NPAS2: variants seen among roughly 807,000 people sequenced by gnomAD.
The protein encoded by NPAS2 is neuronal PAS domain-containing protein 2.
In NPAS2, 23 loss-of-function variants were observed where a neutral mutation model predicts 107.5. That is an observed-to-expected ratio of 0.21 (90% CI 0.15 to 0.30). The LOEUF (loss-of-function observed/expected upper bound fraction) is 0.30. NPAS2 is among the 10% of genes least tolerant of loss of function. The probability of loss-of-function intolerance (pLI) is 1.00; values close to 1 mark genes in which losing one functional copy is unlikely to be tolerated. For synonymous variants in NPAS2, 403 were observed against 417.5 expected, an observed-to-expected ratio of 0.97 and a Z score of 0.42; for missense variants, 756 against 1,043.3, an observed-to-expected ratio of 0.72 and a Z score of 3.79.
chr2:100,898,472 T>G (rs1420912643), intron 1 of NPAS2, among the ~76,000 whole-genome samples: 1 of 152,180 alleles, frequency 6.6e-6, no homozygotes, highest in Non-Finnish European at 1.5e-5. Flanking sequence ...CACCCTACAT[T>G]TATGTCAGTA....
At position 100,884,538 on chromosome 2, in the gene NPAS2, G is replaced by T. The variant is rs542951548; in HGVS notation, c.-22-20195G>T. Reference sequence around the variant, plus strand: ...TGCTGTGATGCCATGTGACATACATGCTCTCGCACACACATTATTAAGACT... The same window carrying T: ...TGCTGTGATGCCATGTGACATACATTCTCTCGCACACACATTATTAAGACT... On this transcript the variant is annotated intron_variant, in intron 1 of 20. Transcript: ENST00000335681. Among the ~76,000 whole-genome samples, 6 of 152,240 alleles carry T rather than the reference G, an allele frequency of 3.9e-5. No individual in the cohort carries two copies. In the South Asian group the frequency reaches 1.2e-3, roughly 32 times the overall value.
chr2:100,921,565 C>G (rs1458026956), intron 2 of NPAS2, among the ~76,000 whole-genome samples: 2 of 152,252 alleles, frequency 1.3e-5, no homozygotes, highest in African/African-American at 4.8e-5. Flanking sequence ...CTTTCTTAAA[C>G]TCAATAAGAT....
intron 1 of NPAS2, among the ~76,000 whole-genome samples, chr2:100,839,033 C>A (rs988456533): frequency 2.0e-5 from 3 of 152,112 alleles, no homozygotes; most frequent in African/African-American, 7.2e-5. Flanking sequence ...TCTCTCCCAC[C>A]CCTGAGACAG....
chr2:100,873,297 T>C (rs866862999), intron 1 of NPAS2, among the ~76,000 whole-genome samples: 2 of 42,604 alleles, frequency 4.7e-5, no homozygotes, highest in African/African-American at 1.6e-4. Context: ...TATATATATA[T>C]ATATATATAT....
chr2:100,885,050 G>A (rs1313204642), intron 1 of NPAS2, among the ~76,000 whole-genome samples: 1 of 151,778 alleles, frequency 6.6e-6, no homozygotes, highest in African/African-American at 2.4e-5. Context: ...CTGGGTTCAC[G>A]CCATTCTCCT....
intron 1 of NPAS2, among the ~76,000 whole-genome samples, chr2:100,847,388 G>A (rs1221862549): frequency 7.2e-6 from 1 of 139,572 alleles, no homozygotes; most frequent in Non-Finnish European, 1.6e-5. Flanking sequence ...TTTTTTTTTT[G>A]AGACGGAGTC....
intron 16 of NPAS2, chr2:100,985,577 A>G (rs1677733316): frequency 6.6e-6 from 1 of 152,226 alleles, no homozygotes; most frequent in Non-Finnish European, 1.5e-5. Flanking sequence ...TCATACATGC[A>G]TTTATTCCAT....
chr2:100,995,819 A>G lies in NPAS2; in HGVS notation c.*237A>G, dbSNP rs779124240. 4.5e-6 allele frequency: 7 copies of G among 1,540,992 alleles called. No homozygotes were observed. In the South Asian group the frequency reaches 8.4e-5, roughly 19 times the overall value. ...AGGTTCTTGGGCACACTCTATAGCC[A>G]TACTGGACAGGAACCAGGTGCCCCG... is the stretch of plus-strand genomic sequence containing the variant. On this transcript the variant is annotated 3_prime_UTR_variant, in exon 21 of 21. Coordinates refer to ENST00000335681, the MANE Select transcript of NPAS2 (RefSeq NM_002518.4).
At chr2:100,931,839 T>TCA (rs1321825678) in intron 3 of NPAS2, among the ~76,000 whole-genome samples, 1 of 152,190 alleles carries the variant, frequency 6.6e-6, no homozygotes, top group African/African-American at 2.4e-5. Context: ...TCACTAAGAT[T>TCA]CATTCATTCA....
intron 1 of NPAS2, among the ~76,000 whole-genome samples, chr2:100,850,076 G>A (rs1335140269): frequency 2.1e-5 from 3 of 139,892 alleles, no homozygotes; most frequent in Non-Finnish European, 4.6e-5. Context: ...GAAATTCAGT[G>A]TATAGAATTT....
chr2:100,973,928 G>A (rs1480708269), intron 12 of NPAS2, among the ~76,000 whole-genome samples: 1 of 152,174 alleles, frequency 6.6e-6, no homozygotes, highest in Non-Finnish European at 1.5e-5. Flanking sequence ...TGCAACCTCT[G>A]CCTCCGAAGT....
chr2:100,995,187 A>C, intron 20 of NPAS2: 1 of 474,630 alleles, frequency 2.1e-6, no homozygotes, highest in South Asian at 5.4e-5. Flanking sequence ...ATTGGCGGAG[A>C]ACTTAGCTTC....
chr2:100,913,634 T>C (rs1682690533), intron 2 of NPAS2, among the ~76,000 whole-genome samples: 2 of 152,090 alleles, frequency 1.3e-5, no homozygotes, highest in Non-Finnish European at 1.5e-5. Context: ...TGATAGTTTT[T>C]CCCCCCTCTT....
At chr2:100,845,247 G>A (rs1238271487) in intron 1 of NPAS2, among the ~76,000 whole-genome samples, 1 of 152,234 alleles carries the variant, frequency 6.6e-6, no homozygotes, top group Non-Finnish European at 1.5e-5. Context: ...ATTTGGGGCT[G>A]ATCATTATAG....
chr2:100,878,045 C>T (rs148565187), intron 1 of NPAS2: 3 of 985,242 alleles, frequency 3.0e-6, no homozygotes, highest in Non-Finnish European at 2.4e-6. Context: ...TTGTAGGCCC[C>T]GTGGACCTGC....
chr2:100,839,860 A>G lies in NPAS2; in HGVS notation c.-23+19446A>G, dbSNP rs554028607. On this transcript the variant is annotated intron_variant, in intron 1 of 20. Coordinates refer to ENST00000335681, the MANE Select transcript of NPAS2 (RefSeq NM_002518.4). ...TATTTGTGCTTCACTTTTGAAGTCC[A>G]TCTTCTTCTATAGATACTCTTAGAA... is the stretch of plus-strand genomic sequence containing the variant. Among the ~76,000 whole-genome samples the G allele has an allele frequency of 4.6e-5, 7 of 152,282 alleles. No homozygotes were observed. In the South Asian group the frequency reaches 1.5e-3, roughly 32 times the overall value.
intron 17 of NPAS2, 183 bp from the exon 18 acceptor site, chr2:100,990,073 A>G: frequency 1.5e-6 from 1 of 652,834 alleles, no homozygotes; most frequent in Non-Finnish European, 2.7e-6. Context: ...TCCTAGGCCC[A>G]AGGGATTCAA....
intron 1 of NPAS2, among the ~76,000 whole-genome samples, chr2:100,884,264 C>T (rs1251507761): frequency 6.6e-6 from 1 of 152,168 alleles, no homozygotes; most frequent in African/African-American, 2.4e-5. Flanking sequence ...ATGCAAGCCA[C>T]ACCCTCATCT....
chr2:100,980,468 T>C (rs1286480086), intron 15 of NPAS2, among the ~76,000 whole-genome samples: 1 of 152,080 alleles, frequency 6.6e-6, no homozygotes, highest in Non-Finnish European at 1.5e-5. Context: ...TTGTTATTTT[T>C]GTTTATATAT....
Sources: allele counts gnomAD v4.1 joint callset (sites outside exome capture counted in the v4.1 genomes callset), GRCh38; gene constraint gnomAD v4.1.1; transcripts MANE v1.5; gene names NCBI Gene and HGNC (gene_info 2026-07-23, HGNC 2026-07-21).